Variants in RAP1GAP2 observed in about 807,000 individuals in gnomAD.
RAP1GAP2 encodes the protein RAP1 GTPase activating protein 2, also known as rap1 GTPase-activating protein 2.
In RAP1GAP2, 27 loss-of-function variants were observed where a neutral mutation model predicts 95.0. The ratio of observed to expected loss-of-function variants is 0.28; its 90% CI spans 0.21 to 0.39. The LOEUF (loss-of-function observed/expected upper bound fraction) is 0.39, where lower values mean the gene tolerates loss of function less well. RAP1GAP2 is among the 10% of genes least tolerant of loss of function. The pLI, the probability that RAP1GAP2 is intolerant of heterozygous loss-of-function variation, is 1.00. For synonymous variants in RAP1GAP2, 373 were observed against 380.9 expected (o/e 0.98, Z 0.24); for missense variants, 771 against 970.0 (o/e 0.79, Z 2.72).
intron 2 of RAP1GAP2, among the ~76,000 whole-genome samples, chr17:2,852,201 C>T (rs1325503447): frequency 6.6e-6 from 1 of 152,204 alleles, no homozygotes; most frequent in African/African-American, 2.4e-5. Context: ...TCTTAAGTCA[C>T]TACTGGCATA....
Position 2,991,336 on chromosome 17 carries a change from C to T in RAP1GAP2, c.853C>T (p.Pro285Ser). The part of the protein sequence containing the change: ...EELFGNNEES[P>S]AFKEFLDLLG... ...GCTATTTGGGAACAATGAGGAGAGC[C>T]CAGCTTTTAAGGAGTTCTTGGACCT... is the stretch of plus-strand genomic sequence containing the variant. The change falls in exon 12 of 25, where the codon CCA becomes TCA. Residue 285 changes from proline to serine, a missense_variant. By Grantham distance (74) the Pro-to-Ser change is moderately conservative (BLOSUM62 -1). Coordinates refer to ENST00000254695, the MANE Select transcript of RAP1GAP2 (RefSeq NM_015085.5). 3.1e-6 allele frequency: 5 copies of T among 1,606,868 alleles called. No individual in the cohort carries two copies. The highest frequency in any genetic ancestry group is 4.2e-6 in the Non-Finnish European group (5 of 1,176,854).
chr17:2,939,009 A>G (rs1209537762), intron 3 of RAP1GAP2, among the ~76,000 whole-genome samples: 1 of 152,176 alleles, frequency 6.6e-6, no homozygotes. Context: ...AAAACAAAAA[A>G]AATGCTTCAG....
intron 4 of RAP1GAP2, among the ~76,000 whole-genome samples, chr17:2,961,178 C>CT (rs2044307874): frequency 6.6e-6 from 1 of 151,584 alleles, no homozygotes; most frequent in Non-Finnish European, 1.5e-5. Flanking sequence ...GATCCCACCA[C>CT]TGCACTCCAG....
intron 2 of RAP1GAP2, among the ~76,000 whole-genome samples, chr17:2,878,477 T>A (rs16952463): frequency 0.026 from 3,952 of 152,186 alleles, 178 homozygotes; most frequent in African/African-American, 0.087. Context: ...CCTGTCTGTA[T>A]GCCGTATCGC....
Position 2,981,355 on chromosome 17 carries a change from T to A in RAP1GAP2, c.729+107T>A, listed in dbSNP as rs934714126. On this transcript the variant is annotated intron_variant, in intron 10 of 24. Transcript: ENST00000254695. ...TGCATCATAGTGGGGTTTCGTGGGGTCTCCATAATAAGCTTCCATGTCTCC... is the reference window on the plus strand; with the variant it reads ...TGCATCATAGTGGGGTTTCGTGGGGACTCCATAATAAGCTTCCATGTCTCC... The A allele has an allele frequency of 4.8e-6, 5 of 1,043,550 alleles. No individual in the cohort carries two copies. In the African/African-American group the frequency reaches 8.1e-5, roughly 17 times the overall value. The allele number at this position is 1,043,550 out of a possible 1,614,324, so 64.6% of individuals were successfully genotyped here.
At chr17:2,989,065 A>C (rs1392358018) in intron 11 of RAP1GAP2, among the ~76,000 whole-genome samples, 4 of 141,794 alleles carry the variant, frequency 2.8e-5, no homozygotes, top group African/African-American at 1.1e-4. Flanking sequence ...TCTCAAAAAG[A>C]CTCTGTCTCA....
intron 2 of RAP1GAP2, among the ~76,000 whole-genome samples, chr17:2,884,334 G>A (rs868494007): frequency 1.3e-5 from 2 of 151,586 alleles, no homozygotes; most frequent in Non-Finnish European, 2.9e-5. Context: ...TGGGCGAGAC[G>A]GGTCGGACAC....
intron 17 of RAP1GAP2, among the ~76,000 whole-genome samples, chr17:3,013,165 G>C (rs1363625586): frequency 6.6e-6 from 1 of 152,214 alleles, no homozygotes; most frequent in Non-Finnish European, 1.5e-5. Flanking sequence ...CCTAGTGGCA[G>C]GAGGGGCCAC....
intron 14 of RAP1GAP2, among the ~76,000 whole-genome samples, chr17:2,999,495 C>T (rs573988268): frequency 6.6e-6 from 1 of 152,304 alleles, no homozygotes; most frequent in East Asian, 1.9e-4. Flanking sequence ...AAAGATGAGC[C>T]TGTGATTGCC....
Position 3,018,045 on chromosome 17 carries a change from T to C in RAP1GAP2, c.1495-16T>C, listed in dbSNP as rs2046834422. 1.3e-6 allele frequency: 2 copies of C among 1,569,988 alleles called. No individual in the cohort carries two copies. The highest frequency in any genetic ancestry group is 1.7e-6 in the Non-Finnish European group (2 of 1,157,896). Reference sequence around the variant, plus strand: ...GCCCGGGTGCTGATTCTCAGGCCCTTGTTCTCTCCCCGTAGAGGGCCATCC... The same window carrying C: ...GCCCGGGTGCTGATTCTCAGGCCCTCGTTCTCTCCCCGTAGAGGGCCATCC... On this transcript the variant is annotated splice_polypyrimidine_tract_variant and intron_variant, in intron 17 of 24. Coordinates refer to ENST00000254695, the MANE Select transcript of RAP1GAP2 (RefSeq NM_015085.5).
At chr17:2,880,354 G>T (rs2073240800) in intron 2 of RAP1GAP2, among the ~76,000 whole-genome samples, 1 of 151,866 alleles carries the variant, frequency 6.6e-6, no homozygotes, top group Admixed American at 6.6e-5. Context: ...GGGCCGTTGG[G>T]ACAAGGGGGT....
At position 2,833,161 on chromosome 17, in the gene RAP1GAP2, TA is replaced by T. The variant is rs1229669530; in HGVS notation, c.80+32612del. Reference sequence around the variant, plus strand: ...TTCTTGATAATTTTTTTTTTTTTTTTAGATGGAGTCTTGCTCTGTCTCCCAG... The same window carrying T: ...TTCTTGATAATTTTTTTTTTTTTTTTGATGGAGTCTTGCTCTGTCTCCCAG... On this transcript the variant is annotated intron_variant, in intron 2 of 24. Transcript: ENST00000254695. Among the ~76,000 whole-genome samples, 5 of 150,264 alleles carry T rather than the reference TA, an allele frequency of 3.3e-5. No homozygotes were observed. The East Asian group carries it at 1.0e-3, about 31-fold the overall frequency.
At chr17:2,889,208 C>T (rs1043520244) in intron 2 of RAP1GAP2, among the ~76,000 whole-genome samples, 4 of 152,178 alleles carry the variant, frequency 2.6e-5, no homozygotes, top group Non-Finnish European at 5.9e-5. Flanking sequence ...AATCGTGTCT[C>T]AGGCTCTTGA....
chr17:2,997,929 A>AAAAAAAAAAG lies in RAP1GAP2; in HGVS notation c.1045-282_1045-273dup, dbSNP rs1259046208. Among the ~76,000 whole-genome samples, 633 of 151,628 alleles carry AAAAAAAAAAG rather than the reference A, an allele frequency of 4.2e-3. 5 individuals carry two copies. Among genetic ancestry groups the AAAAAAAAAAG allele is most frequent in the African/African-American group, 0.015 (602 of 41,246 alleles). Reference sequence around the variant, plus strand: ...CACAGTGAGACCCTGTCTCAAAAAAAAAAAAAAAAGAAAAAAAAAAGATTG... The same window carrying AAAAAAAAAAG: ...CACAGTGAGACCCTGTCTCAAAAAAAAAAAAAAAAGAAAAAAAAAGAAAAAAAAAAGATTG... On this transcript the variant is annotated intron_variant, in intron 13 of 24. Coordinates refer to ENST00000254695, the MANE Select transcript of RAP1GAP2 (RefSeq NM_015085.5).
At chr17:2,779,550 A>C (rs537446328) in intron 1 of RAP1GAP2, among the ~76,000 whole-genome samples, 72 of 152,214 alleles carry the variant, frequency 4.7e-4, no homozygotes, top group African/African-American at 1.7e-3. Context: ...CAGCCTATGA[A>C]TTGGAGTCAG....
chr17:2,998,139 G>C, intron 13 of RAP1GAP2, 82 bp from the exon 14 acceptor site: 2 of 1,465,086 alleles, frequency 1.4e-6, no homozygotes, highest in Non-Finnish European at 1.9e-6. Context: ...TGTGTGCAAA[G>C]GAAAGTGAAC....
intron 2 of RAP1GAP2, among the ~76,000 whole-genome samples, chr17:2,878,944 C>T (rs1415876694): frequency 6.6e-6 from 1 of 152,184 alleles, no homozygotes; most frequent in African/African-American, 2.4e-5. Context: ...TTGTGACGAT[C>T]AGTGAGATGG....
chr17:2,922,314 G>A (rs902651234), intron 3 of RAP1GAP2, among the ~76,000 whole-genome samples: 4 of 152,210 alleles, frequency 2.6e-5, no homozygotes, highest in Non-Finnish European at 4.4e-5. Flanking sequence ...ACCTCCCTAG[G>A]CCTTGCCTTC....
intron 1 of RAP1GAP2, among the ~76,000 whole-genome samples, chr17:2,778,261 T>C (rs913237320): frequency 4.9e-5 from 7 of 142,978 alleles, no homozygotes; most frequent in East Asian, 2.2e-4. Flanking sequence ...TTCCCAGATA[T>C]CAAGTAGTTG....
Sources: gnomAD v4.1 joint callset for allele counts (sites outside exome capture counted in the v4.1 genomes callset) on GRCh38, gnomAD v4.1.1 for gene constraint, MANE v1.5 for transcripts, NCBI Gene and HGNC (gene_info 2026-07-23, HGNC 2026-07-21) for gene names.